Variants in SP2 observed in about 807,000 individuals in gnomAD.
SP2 encodes Sp2 transcription factor, also known as transcription factor Sp2.
In SP2, 9 loss-of-function variants were observed where a neutral mutation model predicts 50.1. That is an observed-to-expected ratio of 0.18 (90% CI 0.11 to 0.31). The LOEUF (loss-of-function observed/expected upper bound fraction) is 0.31, where lower values mean the gene tolerates loss of function less well. Among genes scored for constraint, SP2 ranks in the 10% least tolerant of loss-of-function variants. The pLI is 1.00. For missense variants in SP2, 581 were observed against 806.5 expected (o/e 0.72, Z 3.39); for synonymous variants, 313 against 326.6 (o/e 0.96, Z 0.45).
intron 1 of SP2, chr17:47,914,703 T>G (rs1297011096): frequency 1.3e-5 from 2 of 152,178 alleles, no homozygotes; most frequent in African/African-American, 4.8e-5. Context: ...GGTATAATCT[T>G]GGTTATTTTT....
rs377521057 is a variant in SP2, at chr17:47,916,461, C to T, written c.390C>T (p.Ile130=). The change falls in exon 3 of 7, where the codon ATC becomes ATT. Residue 130 remains isoleucine (I), a synonymous_variant. Coordinates refer to ENST00000376741, the MANE Select transcript of SP2 (RefSeq NM_003110.6). The surrounding 1 kb of genome is among the most constrained non-coding windows in gnomAD (Gnocchi z 4.7). ...AAGGGACCCGATCAAATGCCAATAT[C>T]CAGTACCAGGCGGTCCCTCAGATTC... is the stretch of plus-strand genomic sequence containing the variant. ...INKGTRSNAN[I]QYQAVPQIQA... The T allele has an allele frequency of 5.6e-6, 9 of 1,614,154 alleles. No individual in the cohort carries two copies. The highest frequency in any genetic ancestry group is 7.6e-6 in the Non-Finnish European group (9 of 1,180,026).
intron 1 of SP2, 21 bp downstream of exon 1, chr17:47,896,314 G>A (rs1400692982): frequency 1.6e-6 from 2 of 1,237,084 alleles, no homozygotes. Flanking sequence ...GCCGCTGCCG[G>A]CGGGGTCTTC....
chr17:47,896,725 T>C (rs2034352207), intron 1 of SP2, among the ~76,000 whole-genome samples: 1 of 152,144 alleles, frequency 6.6e-6, no homozygotes, highest in Non-Finnish European at 1.5e-5. Context: ...CTTCCTGCAC[T>C]CTTAACTGTA....
chr17:47,922,467 G>C (rs2144042553), intron 3 of SP2, among the ~76,000 whole-genome samples: 1 of 150,356 alleles, frequency 6.7e-6, no homozygotes, highest in Admixed American at 6.6e-5. Context: ...TTGGAGAAAA[G>C]TTGTTTTTCA....
chr17:47,915,262 C>A, intron 1 of SP2, 50 bp from the exon 2 acceptor site: 1 of 1,290,974 alleles, frequency 7.7e-7, no homozygotes, highest in Non-Finnish European at 1.1e-6. Context: ...AGTGGGCTTG[C>A]GTTCTTTTTG....
At chr17:47,930,979 T>C (rs1040915377), downstream of SP2, among the ~76,000 whole-genome samples, 6 of 152,164 alleles carry the variant, frequency 3.9e-5, no homozygotes, top group Non-Finnish European at 7.3e-5. Flanking sequence ...TACTTTTTTT[T>C]TTTTCTTTAA....
intron 1 of SP2, chr17:47,897,197 T>G (rs2034374025): frequency 6.6e-6 from 1 of 152,304 alleles, no homozygotes; most frequent in African/African-American, 2.4e-5. Flanking sequence ...TTTCAGCCTC[T>G]TATCCATGCT....
At chr17:47,910,434 GT>G (rs1175075151) in intron 1 of SP2, among the ~76,000 whole-genome samples, 1 of 152,214 alleles carries the variant, frequency 6.6e-6, no homozygotes, top group Non-Finnish European at 1.5e-5. Context: ...TGGTCTGATA[GT>G]TTGAACACTA....
Position 47,924,873 on chromosome 17 carries a change from T to C in SP2, c.1373-46T>C, listed in dbSNP as rs761987833. The C allele has an allele frequency of 6.0e-6, 9 of 1,507,416 alleles. No individual in the cohort carries two copies. In the South Asian group the frequency reaches 1.1e-4, roughly 19 times the overall value. 93.4% of individuals were successfully genotyped at this position (1,507,416 alleles called of 1,614,324 possible). A position where few individuals can be genotyped will look rare whatever the true frequency, so the allele number is the denominator to read the frequency against. On this transcript the variant is annotated intron_variant, in intron 4 of 6. Transcript: ENST00000376741. ...GAAGGGCAGAAGGGTTGACTCGAGG[T>C]TTCAGGCTTCCTCACCCTGAACTCT... is the stretch of plus-strand genomic sequence containing the variant.
At chr17:47,919,002 TACACACACACACATGCATGCACGCATAC>T (rs1486728725) in intron 3 of SP2, among the ~76,000 whole-genome samples, 1 of 151,376 alleles carries the variant, frequency 6.6e-6, no homozygotes, top group African/African-American at 2.4e-5. Context: ...CAGATGCAAA[TACACACACACACATGCATGCACGCATAC>T]ACACACACAC....
rs571932535 is a variant in SP2 at position 47,909,272 on chromosome 17, T to G, written c.8-6040T>G. On this transcript the variant is annotated intron_variant, in intron 1 of 6. Transcript: ENST00000376741. ...AACTTTTAGAAATGCAATCCAAAATTGCAGTAGCCTTTTTGGCAGCCATAT... is the reference window on the plus strand; with the variant it reads ...AACTTTTAGAAATGCAATCCAAAATGGCAGTAGCCTTTTTGGCAGCCATAT... Among the ~76,000 whole-genome samples the G allele has an allele frequency of 2.6e-5, 4 of 152,340 alleles. No individual in the cohort carries two copies. In the South Asian group the frequency reaches 8.3e-4, roughly 32 times the overall value.
Sources: allele counts gnomAD v4.1 joint callset (sites outside exome capture counted in the v4.1 genomes callset), GRCh38; gene constraint gnomAD v4.1.1; non-coding constraint Gnocchi (gnomAD v3.1); transcripts MANE v1.5; gene names NCBI Gene and HGNC (gene_info 2026-07-23, HGNC 2026-07-21).